GMDS: variants seen among roughly 807,000 people sequenced by gnomAD.
The protein encoded by GMDS is GDP-mannose 4,6-dehydratase.
In GMDS, 20 loss-of-function variants were observed where a neutral mutation model predicts 49.9. That is an observed-to-expected ratio of 0.40 (90% CI 0.28 to 0.58). The LOEUF (loss-of-function observed/expected upper bound fraction) is 0.58. Among genes scored for constraint, GMDS ranks in the 20% least tolerant of loss-of-function variants. GMDS has a pLI of 0.42. For synonymous variants in GMDS, 177 were observed against 178.6 expected (o/e 0.99, Z 0.07); for missense variants, 362 against 481.4 (o/e 0.75, Z 2.32).
At chr6:2,105,602 T>A (rs182950654) in intron 4 of GMDS, among the ~76,000 whole-genome samples, 74 of 152,332 alleles carry the variant, frequency 4.9e-4, no homozygotes, top group Non-Finnish European at 1.5e-5. Flanking sequence ...TTATTTACCA[T>A]CAGTACTAAT....
chr6:2,016,300 C>T (rs748905366), intron 4 of GMDS, among the ~76,000 whole-genome samples: 7 of 149,096 alleles, frequency 4.7e-5, no homozygotes, highest in Non-Finnish European at 7.4e-5. Flanking sequence ...AAAAAACAGA[C>T]AATTGTCCAG....
chr6:1,890,458 T>C (rs1475453741), intron 7 of GMDS, among the ~76,000 whole-genome samples: 3 of 152,164 alleles, frequency 2.0e-5, no homozygotes, highest in African/African-American at 7.2e-5. Context: ...GAGTTCTTTA[T>C]ATATTCTGGA....
At position 1,990,699 on chromosome 6, in the gene GMDS, A is replaced by G. The variant is rs575268925; in HGVS notation, c.346-29733T>C. Among the ~76,000 whole-genome samples, 6 of 151,814 alleles carry G rather than the reference A, an allele frequency of 4.0e-5. No homozygotes were observed. In the South Asian group the frequency reaches 8.3e-4, roughly 21 times the overall value. ...AAGCAATCCTCCCACCTTAGCCTCC[A>G]GAGTAGCTGGGACTACAGGCGCAGA... On this transcript the variant is annotated intron_variant, in intron 4 of 10. Transcript: ENST00000380815.
intron 4 of GMDS, among the ~76,000 whole-genome samples, chr6:2,088,446 C>G (rs144611912): frequency 6.6e-6 from 1 of 152,272 alleles, no homozygotes; most frequent in African/African-American, 2.4e-5. Flanking sequence ...TAATGAACCA[C>G]CAGTGAATGC....
At chr6:2,050,537 C>T (rs901754857) in intron 4 of GMDS, among the ~76,000 whole-genome samples, 1 of 152,190 alleles carries the variant, frequency 6.6e-6, no homozygotes, top group Non-Finnish European at 1.5e-5. Context: ...ATGAGGCCAG[C>T]ATCATCCTAA....
At chr6:1,683,518 T>C (rs1764868625) in intron 9 of GMDS, among the ~76,000 whole-genome samples, 3 of 152,154 alleles carry the variant, frequency 2.0e-5, no homozygotes, top group Admixed American at 6.5e-5. Flanking sequence ...GTGGGAAACA[T>C]GTGAGAGGGC....
chr6:1,893,340 C>T (rs1759974345), intron 7 of GMDS, among the ~76,000 whole-genome samples: 1 of 151,834 alleles, frequency 6.6e-6, no homozygotes, highest in Non-Finnish European at 1.5e-5. Context: ...ATCACAGGTG[C>T]CCACCACCAT....
At chr6:2,132,043 C>T (rs1775767348) in intron 1 of GMDS, among the ~76,000 whole-genome samples, 1 of 152,146 alleles carries the variant, frequency 6.6e-6, no homozygotes, top group Non-Finnish European at 1.5e-5. Flanking sequence ...ATCTTTTTAA[C>T]TCTTCATAAT....
intron 1 of GMDS, among the ~76,000 whole-genome samples, chr6:2,231,191 G>C (rs1781090662): frequency 1.3e-5 from 2 of 152,056 alleles, no homozygotes; most frequent in Admixed American, 1.3e-4. Context: ...GAGAGCTGCA[G>C]AAACAGAGCT....
chr6:1,726,292 C>A (rs564552633), intron 9 of GMDS, 124 bp downstream of exon 9: 5 of 682,218 alleles, frequency 7.3e-6, no homozygotes, highest in Non-Finnish European at 1.3e-5. Flanking sequence ...TGGAAATGCA[C>A]GCTGAAGGAT....
intron 7 of GMDS, among the ~76,000 whole-genome samples, chr6:1,901,064 C>T (rs973689442): frequency 2.0e-5 from 3 of 152,206 alleles, no homozygotes; most frequent in Non-Finnish European, 2.9e-5. Flanking sequence ...AACGGCGAAG[C>T]GCTGGTAGCA....
At position 1,962,751 on chromosome 6, in the gene GMDS, T is replaced by TTA. The variant is rs1367592555; in HGVS notation, c.346-1787_346-1786dup. 8.6e-5 allele frequency among the ~76,000 whole-genome samples: 13 copies of TTA among 151,998 alleles called. No individual in the cohort carries two copies. The South Asian group carries it at 1.5e-3, about 17-fold the overall frequency. The stretch of plus-strand genomic sequence containing the variant: ...GGGTCATTTGTTGAGCTGTAAAAGT[T>TTA]TATATATATATACATATGCATATAC... On this transcript the variant is annotated intron_variant, in intron 4 of 10. Transcript: ENST00000380815.
chr6:1,857,637 C>T (rs1757994006), intron 7 of GMDS, among the ~76,000 whole-genome samples: 1 of 152,194 alleles, frequency 6.6e-6, no homozygotes, highest in South Asian at 2.1e-4. Flanking sequence ...GTACACCTCC[C>T]TCAGCCTTGA....
chr6:2,196,574 G>A (rs1411161808), intron 1 of GMDS, among the ~76,000 whole-genome samples: 2 of 152,162 alleles, frequency 1.3e-5, no homozygotes, highest in Non-Finnish European at 2.9e-5. Flanking sequence ...ATAAACTGCA[G>A]ATCATGCCTC....
chr6:1,668,011 C>G (rs1043576626), intron 9 of GMDS, among the ~76,000 whole-genome samples: 1 of 152,012 alleles, frequency 6.6e-6, no homozygotes, highest in African/African-American at 2.4e-5. Flanking sequence ...TGCACAAGTC[C>G]CAGGGTGAAT....
intron 1 of GMDS, among the ~76,000 whole-genome samples, chr6:2,204,482 A>G (rs1779697160): frequency 6.6e-6 from 1 of 152,252 alleles, no homozygotes; most frequent in African/African-American, 2.4e-5. Context: ...GTGTTATGAT[A>G]CGAAGTCCCT....
rs1272084233 is a variant in GMDS, at chr6:1,766,918, A to G, written c.772-24332T>C. Reference sequence around the variant, plus strand: ...ATCTGGCTTAAAGGAGCACCGGGTAAGGGTTCTTTATTTCCTGCTGAATCT... The same window carrying G: ...ATCTGGCTTAAAGGAGCACCGGGTAGGGGTTCTTTATTTCCTGCTGAATCT... On this transcript the variant is annotated intron_variant, in intron 7 of 10. Coordinates refer to ENST00000380815, the MANE Select transcript of GMDS (RefSeq NM_001500.4). The surrounding 1 kb of genome is among the most constrained non-coding windows in gnomAD (Gnocchi z 4.5). Among the ~76,000 whole-genome samples the G allele has an allele frequency of 6.6e-6, 1 of 152,224 alleles. No individual in the cohort carries two copies. Among genetic ancestry groups the G allele is most frequent in the Non-Finnish European group, 1.5e-5 (1 of 68,046 alleles).
chr6:2,052,759 C>A (rs184360660), intron 4 of GMDS, among the ~76,000 whole-genome samples: 5 of 152,282 alleles, frequency 3.3e-5, no homozygotes, highest in Admixed American at 3.3e-4. Flanking sequence ...GTTTTCTCCT[C>A]TAATACCATC....
intron 4 of GMDS, among the ~76,000 whole-genome samples, chr6:1,966,279 C>G (rs1435411973): frequency 6.6e-6 from 1 of 150,576 alleles, no homozygotes; most frequent in Non-Finnish European, 1.5e-5. Context: ...TGCATCCAAT[C>G]ACAAAGAGAG....
Sources: allele counts gnomAD v4.1 joint callset (sites outside exome capture counted in the v4.1 genomes callset), GRCh38; gene constraint gnomAD v4.1.1; non-coding constraint Gnocchi (gnomAD v3.1); transcripts MANE v1.5; gene names NCBI Gene and HGNC (gene_info 2026-07-23, HGNC 2026-07-21).